LINC00305: variants seen among roughly 807,000 people sequenced by gnomAD.
The protein encoded by LINC00305 is long independently transcribed non-coding RNA 305.
chr18:64,139,527 C>T (rs958086595), intron 1 of LINC00305: 6 of 152,166 alleles, frequency 3.9e-5, no homozygotes, highest in African/African-American at 7.2e-5. Context: ...TTGTCTGAAG[C>T]GTACATCATA....
intron 1 of LINC00305, among the ~76,000 whole-genome samples, chr18:64,117,540 A>G (rs2144255609): frequency 6.6e-6 from 1 of 152,312 alleles, no homozygotes; most frequent in East Asian, 1.9e-4. Flanking sequence ...TTGATGTGTA[A>G]GTTACATTTC....
chr18:64,114,193 C>T (rs1472834354), intron 1 of LINC00305, among the ~76,000 whole-genome samples: 1 of 152,176 alleles, frequency 6.6e-6, no homozygotes, highest in Non-Finnish European at 1.5e-5. Context: ...TGGCGTGAAC[C>T]AGAGAGGCGG....
intron 1 of LINC00305, among the ~76,000 whole-genome samples, chr18:64,125,834 A>C (rs1015045742): frequency 1.2e-4 from 19 of 152,114 alleles, no homozygotes; most frequent in Admixed American, 1.0e-3. Context: ...TGCCATTATC[A>C]GGGGGAGTGG....
chr18:64,112,330 T>G (rs1250839076), intron 1 of LINC00305, among the ~76,000 whole-genome samples: 1 of 133,044 alleles, frequency 7.5e-6, no homozygotes, highest in Non-Finnish European at 1.7e-5. Context: ...ATTTTGCACA[T>G]TGCTCAAAAA....
intron 1 of LINC00305, among the ~76,000 whole-genome samples, chr18:64,126,815 T>G (rs1297573237): frequency 6.6e-6 from 1 of 152,134 alleles, no homozygotes. Flanking sequence ...AAATAACTAC[T>G]CTTGATTTAG....
chr18:64,102,495 A>G (rs941140664), intron 1 of LINC00305, among the ~76,000 whole-genome samples: 2 of 152,206 alleles, frequency 1.3e-5, no homozygotes, highest in African/African-American at 4.8e-5. Flanking sequence ...CATTTTAAAT[A>G]AAGAACTGAA....
At chr18:64,097,263 A>G (rs1372165890) in intron 3 of LINC00305, among the ~76,000 whole-genome samples, 4 of 152,128 alleles carry the variant, frequency 2.6e-5, no homozygotes, top group African/African-American at 9.6e-5. Flanking sequence ...ATTGCTGTGA[A>G]TTAAATCTAT....
chr18:64,105,788 A>G (rs547988669), intron 1 of LINC00305, among the ~76,000 whole-genome samples: 10 of 152,246 alleles, frequency 6.6e-5, no homozygotes, highest in Non-Finnish European at 1.5e-4. Flanking sequence ...TACGATAAAT[A>G]TCTCTGAAAT....
chr18:64,142,939 A>G (rs1042964600), intron 1 of LINC00305, among the ~76,000 whole-genome samples: 3 of 152,208 alleles, frequency 2.0e-5, no homozygotes, highest in African/African-American at 7.2e-5. Flanking sequence ...ATAGTGTTCA[A>G]TTTGAAAAGT....
intron 3 of LINC00305, among the ~76,000 whole-genome samples, chr18:64,090,966 G>A (rs560336567): frequency 6.6e-6 from 1 of 152,278 alleles, no homozygotes; most frequent in African/African-American, 2.4e-5. Flanking sequence ...CTCTTGATTA[G>A]CATTTACCAA....
exon 3 of LINC00305, chr18:64,097,982 C>T (rs1004797908): frequency 1.7e-5 from 8 of 457,600 alleles, no homozygotes; most frequent in African/African-American, 6.0e-5. Flanking sequence ...CTTTGCAGGT[C>T]GCAGAGATGG....
At position 64,144,482 on chromosome 18, in the gene LINC00305, T is replaced by G. The variant is rs80345045; in HGVS notation, n.314+4293A>C. On this transcript the variant is annotated intron_variant and non_coding_transcript_variant, in intron 1 of 3. Coordinates refer to ENST00000666468, the Ensembl canonical transcript of LINC00305. ...TGCCCAGTGAGACCTGTATCAGACA[T>G]GTAATTTACAGAACTGTACATTATT... 8.1e-3 allele frequency among the ~76,000 whole-genome samples: 1,233 copies of G among 152,228 alleles called. 20 individuals carry two copies. Among genetic ancestry groups the G allele is most frequent in the African/African-American group, 0.029 (1,194 of 41,546 alleles).
At chr18:64,119,907 G>A (rs1203839306) in intron 1 of LINC00305, among the ~76,000 whole-genome samples, 1 of 152,082 alleles carries the variant, frequency 6.6e-6, no homozygotes, top group African/African-American at 2.4e-5. Flanking sequence ...CATGCAGTCT[G>A]TTAGATAGAT....
intron 1 of LINC00305, among the ~76,000 whole-genome samples, chr18:64,136,506 C>G (rs1467687824): frequency 2.0e-5 from 3 of 152,136 alleles, no homozygotes; most frequent in Non-Finnish European, 4.4e-5. Flanking sequence ...AGAACTCACT[C>G]ACTATCGTGA....
intron 3 of LINC00305, among the ~76,000 whole-genome samples, chr18:64,084,841 T>C (rs1456280534): frequency 6.6e-6 from 1 of 152,238 alleles, no homozygotes; most frequent in Non-Finnish European, 1.5e-5. Flanking sequence ...AGCCTTCTCA[T>C]GATGCTTGTA....
intron 1 of LINC00305, among the ~76,000 whole-genome samples, chr18:64,107,722 T>A (rs2144246404): frequency 1.3e-5 from 2 of 152,296 alleles, no homozygotes; most frequent in Middle Eastern, 6.8e-3. Context: ...TGTGTTAATT[T>A]GGCCAGAAGA....
chr18:64,123,264 A>C (rs576484777), intron 1 of LINC00305, among the ~76,000 whole-genome samples: 2 of 152,072 alleles, frequency 1.3e-5, no homozygotes, highest in African/African-American at 2.4e-5. Flanking sequence ...TTCCTAAGCA[A>C]CTTCCCTAGT....
At position 64,143,760 on chromosome 18, in the gene LINC00305, CACATATTATGCGTACATGTATGTA is replaced by C. The variant is rs1188440937; in HGVS notation, n.314+4991_314+5014del. Among the ~76,000 whole-genome samples the C allele has an allele frequency of 1.2e-3, 123 of 102,192 alleles. 3 individuals carry two copies. The highest frequency in any genetic ancestry group is 6.0e-3 in the Middle Eastern group (1 of 168). The allele number at this position is 102,192 out of a possible 152,430, so 67.0% of individuals were successfully genotyped here. A position where few individuals can be genotyped will look rare whatever the true frequency, so the allele number is the denominator to read the frequency against. On this transcript the variant is annotated intron_variant and non_coding_transcript_variant, in intron 1 of 3. Coordinates refer to ENST00000666468, the Ensembl canonical transcript of LINC00305. ...CACATATTATGCGTACATGTATGTA[CACATATTATGCGTACATGTATGTA>C]CACATATTATGCGTACATGTATGTA...
chr18:64,142,276 T>C (rs1055105156), intron 1 of LINC00305, among the ~76,000 whole-genome samples: 26 of 152,230 alleles, frequency 1.7e-4, no homozygotes, highest in African/African-American at 5.5e-4. Context: ...TTTAAAAAAG[T>C]TGTTGTTGAA....
Sources: gnomAD v4.1 joint callset for allele counts (sites outside exome capture counted in the v4.1 genomes callset) on GRCh38, gnomAD v4.1.1 for gene constraint, MANE v1.5 for transcripts, NCBI Gene and HGNC (gene_info 2026-07-23, HGNC 2026-07-21) for gene names.